MAML3: variants seen among roughly 807,000 people sequenced by gnomAD.
The protein encoded by MAML3 is mastermind-like protein 3.
In MAML3, 27 loss-of-function variants were observed where a neutral mutation model predicts 101.9. The ratio of observed to expected loss-of-function variants is 0.27; its 90% CI spans 0.20 to 0.37. The LOEUF is 0.37. Among genes scored for constraint, MAML3 ranks in the 10% least tolerant of loss-of-function variants. MAML3 has a pLI of 1.00. For synonymous variants in MAML3, 501 were observed against 555.9 expected (o/e 0.90, Z 1.39); for missense variants, 1,316 against 1,444.9 (o/e 0.91, Z 1.45).
chr4:139,982,742 C>T (rs1295208769), intron 1 of MAML3, among the ~76,000 whole-genome samples: 3 of 152,064 alleles, frequency 2.0e-5, no homozygotes, highest in African/African-American at 4.8e-5. Context: ...CTGATGTTTT[C>T]AACTCCAATA....
chr4:140,020,217 C>A (rs1338375503), intron 1 of MAML3, among the ~76,000 whole-genome samples: 2 of 152,164 alleles, frequency 1.3e-5, no homozygotes, highest in Non-Finnish European at 2.9e-5. Context: ...GCTATCTCAG[C>A]TGCTGTCATA....
At chr4:140,040,401 T>A (rs909637592) in intron 1 of MAML3, among the ~76,000 whole-genome samples, 2 of 152,226 alleles carry the variant, frequency 1.3e-5, no homozygotes, top group African/African-American at 4.8e-5. Context: ...TTATGTGGGA[T>A]TCACAAACAG....
intron 1 of MAML3, among the ~76,000 whole-genome samples, chr4:139,925,478 C>A (rs1733203304): frequency 6.6e-6 from 1 of 152,088 alleles, no homozygotes; most frequent in Non-Finnish European, 1.5e-5. Context: ...AATCCACCTG[C>A]CTTGGCCTCC....
chr4:139,942,172 A>C (rs1385961618), intron 1 of MAML3, among the ~76,000 whole-genome samples: 1 of 62,684 alleles, frequency 1.6e-5, no homozygotes, highest in East Asian at 3.7e-4. Flanking sequence ...GAGGGAGGGA[A>C]GGCAGGCAGG....
At chr4:139,811,962 G>A (rs973583686) in intron 2 of MAML3, among the ~76,000 whole-genome samples, 7 of 152,134 alleles carry the variant, frequency 4.6e-5, no homozygotes, top group African/African-American at 1.7e-4. Context: ...GCTAATGTAT[G>A]TTAATAATCT....
At chr4:140,132,660 G>A (rs771366400) in intron 1 of MAML3, among the ~76,000 whole-genome samples, 5 of 152,214 alleles carry the variant, frequency 3.3e-5, no homozygotes, top group Non-Finnish European at 2.9e-5. Flanking sequence ...AAATGCCTTC[G>A]TGGTGCCCTG....
chr4:139,917,457 T>C (rs1350035), intron 1 of MAML3, among the ~76,000 whole-genome samples: 97,438 of 151,884 alleles, frequency 0.64, 31,658 homozygotes, highest in East Asian at 0.91. Context: ...AGAAACCATG[T>C]CAAGTGAAAA....
intron 1 of MAML3, among the ~76,000 whole-genome samples, chr4:140,083,746 G>A (rs1727900364): frequency 6.6e-6 from 1 of 152,050 alleles, no homozygotes; most frequent in East Asian, 1.9e-4. Context: ...CAACAGCAGG[G>A]TCTGGGTATT....
chr4:140,086,038 G>C (rs920775281), intron 1 of MAML3, among the ~76,000 whole-genome samples: 47 of 152,122 alleles, frequency 3.1e-4, no homozygotes, highest in Non-Finnish European at 1.0e-4. Flanking sequence ...CCATTTCACC[G>C]TGATGTTTTC....
chr4:139,937,359 A>G (rs1005583291), intron 1 of MAML3, among the ~76,000 whole-genome samples: 1 of 152,176 alleles, frequency 6.6e-6, no homozygotes, highest in East Asian at 1.9e-4. Flanking sequence ...GTTAGTGGCA[A>G]AAGTCTGGTC....
intron 2 of MAML3, among the ~76,000 whole-genome samples, chr4:139,733,395 G>A (rs532603403): frequency 1.2e-4 from 18 of 152,098 alleles, no homozygotes; most frequent in Admixed American, 5.2e-4. Context: ...TGACCAGCCC[G>A]CACAGCTGGG....
chr4:139,809,014 A>G (rs1730746771), intron 2 of MAML3, among the ~76,000 whole-genome samples: 1 of 152,130 alleles, frequency 6.6e-6, no homozygotes, highest in South Asian at 2.1e-4. Context: ...CACTCTTTGG[A>G]GCCTGAGAGG....
At chr4:139,792,645 T>G (rs1020638072) in intron 2 of MAML3, among the ~76,000 whole-genome samples, 42 of 152,180 alleles carry the variant, frequency 2.8e-4, no homozygotes, top group Non-Finnish European at 8.8e-5. Context: ...AAGCCCTTCT[T>G]TTTCTCTTTG....
At chr4:139,761,138 T>G (rs181580731) in intron 2 of MAML3, among the ~76,000 whole-genome samples, 1 of 152,248 alleles carries the variant, frequency 6.6e-6, no homozygotes, top group East Asian at 1.9e-4. Context: ...TTTGTATTTT[T>G]TAGTAGAGAT....
chr4:140,150,110 G>A (rs771537021), intron 1 of MAML3, among the ~76,000 whole-genome samples: 7 of 152,056 alleles, frequency 4.6e-5, no homozygotes, highest in Non-Finnish European at 1.0e-4. Context: ...TTATTAGTGC[G>A]TAAGTCTAAT....
At chr4:139,734,222 T>C (rs532725304) in intron 2 of MAML3, among the ~76,000 whole-genome samples, 7 of 152,316 alleles carry the variant, frequency 4.6e-5, no homozygotes, top group African/African-American at 1.4e-4. Context: ...TAATGAGAAA[T>C]AGTCTGTCAA....
intron 1 of MAML3, among the ~76,000 whole-genome samples, chr4:140,116,312 A>C (rs1310460262): frequency 6.6e-6 from 1 of 152,206 alleles, no homozygotes; most frequent in Non-Finnish European, 1.5e-5. Context: ...CATGTGTTCA[A>C]AACAACTCTA....
chr4:139,875,019 G>A (rs1415710575), intron 2 of MAML3, among the ~76,000 whole-genome samples: 1 of 152,060 alleles, frequency 6.6e-6, no homozygotes, highest in Non-Finnish European at 1.5e-5. Flanking sequence ...TAGCCAGGAT[G>A]GTCTCAATCT....
intron 1 of MAML3, among the ~76,000 whole-genome samples, chr4:140,113,393 T>C (rs183668285): frequency 8.3e-4 from 126 of 152,338 alleles, no homozygotes; most frequent in Non-Finnish European, 1.5e-3. Context: ...GGGAAGGAAC[T>C]TGAGGTCAAG....
Sources: gnomAD v4.1 joint callset for allele counts (sites outside exome capture counted in the v4.1 genomes callset) on GRCh38, gnomAD v4.1.1 for gene constraint, MANE v1.5 for transcripts, NCBI Gene and HGNC (gene_info 2026-07-23, HGNC 2026-07-21) for gene names.